CSMD1: variants seen among roughly 807,000 people sequenced by gnomAD.
CSMD1 encodes CUB and Sushi multiple domains 1.
CSMD1 carries 213 observed loss-of-function variants against 417.5 expected under a neutral mutation model. The ratio of observed to expected loss-of-function variants is 0.51; its 90% CI spans 0.46 to 0.57. The LOEUF is 0.57. Among genes scored for constraint, CSMD1 ranks in the 20% least tolerant of loss-of-function variants. The probability of loss-of-function intolerance (pLI) is 0.00; values close to 1 mark genes in which losing one functional copy is unlikely to be tolerated. For missense variants in CSMD1, 6,923 were observed against 4,529.7 expected (o/e 1.53, Z -15.17); for synonymous variants, 2,862 against 1,736.8 (o/e 1.65, Z -16.11).
intron 1 of CSMD1, among the ~76,000 whole-genome samples, chr8:4,899,195 C>A (rs893118994): frequency 1.3e-5 from 2 of 152,148 alleles, no homozygotes; most frequent in Non-Finnish European, 2.9e-5. Flanking sequence ...GGTATATGTC[C>A]TATCGGAAGA....
intron 1 of CSMD1, among the ~76,000 whole-genome samples, chr8:4,660,052 A>T (rs1337416652): frequency 2.0e-5 from 3 of 149,524 alleles, no homozygotes; most frequent in Non-Finnish European, 4.4e-5. Context: ...TTCTCCTAAG[A>T]TTGGATAAAA....
At chr8:3,317,424 C>T (rs1020890392) in intron 23 of CSMD1, among the ~76,000 whole-genome samples, 12 of 152,308 alleles carry the variant, frequency 7.9e-5, no homozygotes, top group Admixed American at 2.6e-4. Context: ...AACATTGACA[C>T]TCAATCACAC....
chr8:3,766,361 C>A (rs1318723123), intron 5 of CSMD1, among the ~76,000 whole-genome samples: 1 of 152,170 alleles, frequency 6.6e-6, no homozygotes, highest in East Asian at 1.9e-4. Context: ...GGATCCAAGT[C>A]AGTGACCTGG....
intron 2 of CSMD1, among the ~76,000 whole-genome samples, chr8:4,451,604 G>C (rs1425165328): frequency 2.0e-5 from 3 of 152,188 alleles, no homozygotes; most frequent in Non-Finnish European, 2.9e-5. Flanking sequence ...GACCATTTTA[G>C]AGGTTATATT....
At chr8:4,641,257 G>C (rs1167934191) in intron 1 of CSMD1, among the ~76,000 whole-genome samples, 2 of 151,840 alleles carry the variant, frequency 1.3e-5, no homozygotes, top group Non-Finnish European at 2.9e-5. Context: ...ATAATTTTAG[G>C]CAACTGGAAT....
chr8:3,173,679 G>A (rs1820724195), intron 37 of CSMD1, among the ~76,000 whole-genome samples: 1 of 152,132 alleles, frequency 6.6e-6, no homozygotes, highest in Non-Finnish European at 1.5e-5. Context: ...TCGTCTCAGT[G>A]CACAGAATGA....
In CSMD1 at chr8:2,992,051, T is replaced by C. The variant is rs116425038; in HGVS notation, c.8377+5960A>G. 8.4e-3 allele frequency among the ~76,000 whole-genome samples: 1,284 copies of C among 152,348 alleles called. 25 individuals are homozygous for C. Among genetic ancestry groups the C allele is most frequent in the African/African-American group, 0.029 (1,219 of 41,584 alleles). On this transcript the variant is annotated intron_variant, in intron 54 of 69. Transcript: ENST00000635120. ...CAGCTTCTTAAAATTTTAGTGTGTA[T>C]GTATAGCAATTCTTTCAATATTTAT...
At chr8:3,614,820 G>A (rs1229394288) in intron 8 of CSMD1, among the ~76,000 whole-genome samples, 2 of 152,182 alleles carry the variant, frequency 1.3e-5, no homozygotes, top group African/African-American at 4.8e-5. Context: ...CCATTCTGGA[G>A]ACGCTTAAGA....
rs969834531 is a variant in CSMD1, at chr8:4,053,572, A to C, written c.416-21473T>G. On this transcript the variant is annotated intron_variant, in intron 3 of 69. Coordinates refer to ENST00000635120, the MANE Select transcript of CSMD1 (RefSeq NM_033225.6). ...CTCTGACCTTGCAAGCTGGTCCTCA[A>C]TTTCCACTCCTGCTCTTAGCAACCT... is the stretch of plus-strand genomic sequence containing the variant. Among the ~76,000 whole-genome samples, 50 of 151,906 alleles carry C rather than the reference A, an allele frequency of 3.3e-4. 1 individual carries two copies. Among genetic ancestry groups the C allele is most frequent in the Non-Finnish European group, 4.4e-5 (3 of 67,980 alleles).
At chr8:4,713,448 C>G (rs1409422001) in intron 1 of CSMD1, among the ~76,000 whole-genome samples, 1 of 152,084 alleles carries the variant, frequency 6.6e-6, no homozygotes, top group Non-Finnish European at 1.5e-5. Flanking sequence ...CTTGCCCAGG[C>G]TGGAGTGCAG....
At chr8:3,828,133 A>T (rs1020436988) in intron 5 of CSMD1, among the ~76,000 whole-genome samples, 1 of 152,194 alleles carries the variant, frequency 6.6e-6, no homozygotes, top group African/African-American at 2.4e-5. Context: ...GAACCTGGGA[A>T]CATCCTAATT....
At chr8:4,414,445 C>T (rs944930092) in intron 3 of CSMD1, among the ~76,000 whole-genome samples, 2 of 152,180 alleles carry the variant, frequency 1.3e-5, no homozygotes, top group Non-Finnish European at 2.9e-5. Flanking sequence ...TTAATAAATA[C>T]TGATCCCTCA....
intron 5 of CSMD1, among the ~76,000 whole-genome samples, chr8:3,890,780 T>C (rs1443144310): frequency 6.6e-6 from 1 of 152,154 alleles, no homozygotes. Context: ...GAGCAAATTT[T>C]TGTCCTCAGA....
chr8:4,247,650 A>T (rs886687463), intron 3 of CSMD1, among the ~76,000 whole-genome samples: 8 of 152,182 alleles, frequency 5.3e-5, no homozygotes, highest in Non-Finnish European at 1.0e-4. Context: ...AGTTATCACC[A>T]TTCAACATGT....
chr8:4,685,542 C>T (rs943372897), intron 1 of CSMD1, among the ~76,000 whole-genome samples: 2 of 152,032 alleles, frequency 1.3e-5, no homozygotes, highest in Non-Finnish European at 2.9e-5. Flanking sequence ...CACCACTGCA[C>T]TGCAGCCTGG....
chr8:3,284,255 A>T lies in CSMD1; in HGVS notation c.4042T>A (p.Trp1348Arg). ...TCCTCCGGAAGGGCGGAGCCACTCC[A>T]CTCCTTCAGCAGGATGTCACTGTCC... ...PVDSDILLKE[W>R]SGSALPEDIH... Residue 1348 changes from tryptophan to arginine, a missense_variant, in exon 26 of 70, where the codon TGG (tryptophan) becomes AGG (arginine). Transcript: ENST00000635120. 1.2e-6 allele frequency: 2 copies of T among 1,613,612 alleles called. No individual in the cohort carries two copies. The highest frequency in any genetic ancestry group is 8.5e-7 in the Non-Finnish European group (1 of 1,179,726).
intron 3 of CSMD1, among the ~76,000 whole-genome samples, chr8:4,162,740 T>C (rs1324594592): frequency 2.0e-5 from 3 of 152,138 alleles, no homozygotes; most frequent in African/African-American, 4.8e-5. Context: ...TGAACTTACA[T>C]TGGTAAGTCA....
intron 8 of CSMD1, chr8:3,613,303 G>A (rs1801979768): frequency 2.4e-6 from 1 of 419,230 alleles, no homozygotes; most frequent in South Asian, 1.7e-5. Context: ...CCAATTCCAG[G>A]TAGCTTCCCT....
At chr8:4,912,787 AT>A (rs1027257441) in intron 1 of CSMD1, among the ~76,000 whole-genome samples, 6 of 123,376 alleles carry the variant, frequency 4.9e-5, no homozygotes, top group African/African-American at 9.5e-5. Context: ...AGCACCAGCT[AT>A]TTTTTTTGGA....
Sources: allele counts gnomAD v4.1 joint callset (sites outside exome capture counted in the v4.1 genomes callset), GRCh38; gene constraint gnomAD v4.1.1; transcripts MANE v1.5; gene names NCBI Gene and HGNC (gene_info 2026-07-23, HGNC 2026-07-21).